The following PEG3 variants were observed in gnomAD, a reference collection of about 807,000 sequenced individuals.
PEG3 encodes paternally-expressed gene 3 protein.
A neutral mutation model predicts 35.5 loss-of-function variants in PEG3; 23 were observed. That is an observed-to-expected ratio of 0.65 (90% CI 0.47 to 0.92). PEG3 has a LOEUF of 0.92. PEG3 is among the 40% of genes least tolerant of loss of function. PEG3 has a pLI of 0.00. For missense variants in PEG3, 1,960 were observed against 1,985.3 expected (o/e 0.99, Z 0.24); for synonymous variants, 707 against 697.0 (o/e 1.01, Z -0.23).
At position 56,822,717 on chromosome 19, in the gene PEG3, T is replaced by C. The variant is rs760519863; in HGVS notation, c.565+36A>G. 3.2e-5 allele frequency: 51 copies of C among 1,611,024 alleles called. 1 individual carries two copies. The South Asian group carries it at 4.8e-4, about 15-fold the overall frequency. On this transcript the variant is annotated intron_variant, in intron 6 of 9. Transcript: ENST00000326441. ...GAACCTGTGCACAGCACATGCTCTA[T>C]ATCTCCTACTGGGAAAGAAAGTGGT... is the stretch of plus-strand genomic sequence containing the variant.
Position 56,814,213 on chromosome 19 carries a change from T to C in PEG3, c.4229A>G (p.Glu1410Gly). The change falls in exon 10 of 10, where the codon GAG becomes GGG. Residue 1410 changes from glutamate (E) to glycine (G), a missense_variant. This residue lies in a region of PEG3 where 416 missense variants were observed against 416.7 expected (regional missense o/e 1.00). Transcript: ENST00000326441. The surrounding 1 kb of genome is among the most constrained non-coding windows in gnomAD (Gnocchi z 5.8). ...TGGCTCAGCAGCCTCCACTTCTGGC[T>C]CAGCAGCCTCCACTTCTGGCTCGGC... ...EAAEPEVEAA[E>G]PEVEAAEPNG... 1 of 1,613,594 alleles carries C rather than the reference T, an allele frequency of 6.2e-7. No individual in the cohort carries two copies. The highest frequency in any genetic ancestry group is 8.5e-7 in the Non-Finnish European group (1 of 1,179,826).
In PEG3 at chr19:56,813,949, A is replaced by G. The variant is rs2059729649; in HGVS notation, c.4493T>C (p.Ile1498Thr). Residue 1498 changes from isoleucine (I) to threonine (T), a missense_variant, in exon 10 of 10, where the codon ATT (isoleucine) becomes ACT (threonine). By Grantham distance (89) the Ile-to-Thr change is moderately conservative. Coordinates refer to ENST00000326441, the MANE Select transcript of PEG3 (RefSeq NM_006210.3). ...EDPEEGEDQE[I>T]QVEEPYYDCH... ...GTCATAGTATGGTTCTTCTACCTGA[A>G]TCTCTTGATCTTCACCTTCTTCTGG... The G allele has an allele frequency of 3.1e-6, 5 of 1,613,948 alleles. No homozygotes were observed. The highest frequency in any genetic ancestry group is 1.7e-5 in the Admixed American group (1 of 60,010).
chr19:56,817,787 G>A lies in PEG3; in HGVS notation c.821C>T (p.Ser274Leu), dbSNP rs1366180633. The A allele has an allele frequency of 6.2e-7, 1 of 1,614,026 alleles. No homozygotes were observed. The highest frequency in any genetic ancestry group is 1.3e-5 in the African/African-American group (1 of 74,916). The part of the protein sequence containing the change: ...DGHSHMTQGH[S>L]SRSKRSAYPS... ...GTAGGCACTTCTCTTGGATCTTGAT[G>A]AGTGGCCCTGCGTCATGTGGGAGTG... Residue 274 changes from serine to leucine, a missense_variant, in exon 9 of 10, where the codon TCA becomes TTA. Around this residue, in one of 5 missense-constraint regions of PEG3, gnomAD observed 613 missense variants for 577.1 expected, o/e 1.06. Transcript: ENST00000326441.
rs1198858401 is a variant in PEG3, at chr19:56,827,633, T to C, written c.-162-1170A>G. On this transcript the variant is annotated intron_variant, in intron 2 of 9. Coordinates refer to ENST00000326441, the MANE Select transcript of PEG3 (RefSeq NM_006210.3). ...TATCCTCCTCTCCTACAAATTCTAC[T>C]TCTATGAATTTACCTCAGAGATATG... Among the ~76,000 whole-genome samples the C allele has an allele frequency of 4.6e-5, 7 of 152,228 alleles. No homozygotes were observed. The East Asian group carries it at 1.3e-3, about 29-fold the overall frequency.
At chr19:56,822,484 C>A in intron 6 of PEG3, 1 of 372,422 alleles carries the variant, frequency 2.7e-6, no homozygotes, top group South Asian at 5.4e-5. Flanking sequence ...GTCTTTCATA[C>A]AGAAACTTCC....
In PEG3 at chr19:56,821,708, G is replaced by C; in HGVS notation, c.612C>G (p.Ser204Arg). The C allele has an allele frequency of 6.2e-7, 1 of 1,614,058 alleles. No individual in the cohort carries two copies. Among genetic ancestry groups the C allele is most frequent in the Non-Finnish European group, 8.5e-7 (1 of 1,180,026 alleles). The stretch of plus-strand genomic sequence containing the variant: ...TGTCGTCCTCTCTGTCCATTTCAAA[G>C]CTTGTTTTCGCCACCACAGGAAGGG... Reference protein sequence around the residue: ...DLSLPVVAKTSFEMDREDDRD... With the variant: ...DLSLPVVAKTRFEMDREDDRD... Residue 204 changes from serine (S) to arginine (R), a missense_variant, in exon 7 of 10, where the codon AGC (serine) becomes AGG (arginine). Ser to Arg is a moderately radical substitution (Grantham distance 110). Around this residue, in one of 5 missense-constraint regions of PEG3, gnomAD observed 613 missense variants for 577.1 expected, o/e 1.06. Coordinates refer to ENST00000326441, the MANE Select transcript of PEG3 (RefSeq NM_006210.3).
chr19:56,832,361 T>C (rs1379376339), intron 2 of PEG3, among the ~76,000 whole-genome samples: 4 of 151,608 alleles, frequency 2.6e-5, no homozygotes, highest in African/African-American at 4.8e-5. Context: ...GTACCTCCCC[T>C]CTCCAGTGAC....
chr19:56,839,504 G>C (rs2062706096), intron 1 of PEG3, among the ~76,000 whole-genome samples: 2 of 149,768 alleles, frequency 1.3e-5, no homozygotes, highest in Admixed American at 1.3e-4. Context: ...AACCAACCAG[G>C]GGAGCACCTG....
chr19:56,825,347 T>C (rs945632077), intron 3 of PEG3, among the ~76,000 whole-genome samples: 1 of 152,260 alleles, frequency 6.6e-6, no homozygotes, highest in Non-Finnish European at 1.5e-5. Context: ...CAGTGAGAAG[T>C]GACCATTGAG....
At position 56,813,778 on chromosome 19, in the gene PEG3, C is replaced by G. The variant is rs2059709124; in HGVS notation, c.4664G>C (p.Gly1555Ala). ...YIERASTSTGGANQADEKYFK... is the reference protein window; with the variant it reads ...YIERASTSTGAANQADEKYFK... ...GTACTTCTCATCAGCTTGATTGGCA[C>G]CACCTGTGCTGGTGCTGGCACGTTC... Residue 1555 changes from glycine (G) to alanine (A), a missense_variant, in exon 10 of 10, where the codon GGT (glycine) becomes GCT (alanine). Coordinates refer to ENST00000326441, the MANE Select transcript of PEG3 (RefSeq NM_006210.3). 1 of 1,614,040 alleles carries G rather than the reference C, an allele frequency of 6.2e-7. No homozygotes were observed. Among genetic ancestry groups the G allele is most frequent in the Non-Finnish European group, 8.5e-7 (1 of 1,180,036 alleles).
Position 56,818,634 on chromosome 19 carries a change from G to T in PEG3, c.738C>A (p.Asp246Glu), listed in dbSNP as rs1172378560. 1 of 1,614,040 alleles carries T rather than the reference G, an allele frequency of 6.2e-7. No individual in the cohort carries two copies. ...GCAGCTTCCTGTAGTTTTCCATGTT[G>T]TCCTGGATTGTGTTGTGAGGTTTCC... ...EDRKPHNTIQ[D>E]NMENYRKLLS... The change falls in exon 8 of 10, where the codon GAC becomes GAA. Residue 246 changes from aspartate to glutamate, a missense_variant. Around this residue, in one of 5 missense-constraint regions of PEG3, gnomAD observed 613 missense variants for 577.1 expected, o/e 1.06. Coordinates refer to ENST00000326441, the MANE Select transcript of PEG3 (RefSeq NM_006210.3).
In PEG3 at chr19:56,824,642, T is replaced by C; in HGVS notation, c.14A>G (p.Lys5Arg). Residue 5 changes from lysine (K) to arginine (R), a missense_variant, in exon 4 of 10, where the codon AAG becomes AGG. Physicochemically the swap from Lys to Arg is conservative, Grantham distance 26. This residue lies in a region of PEG3 where 613 missense variants were observed against 577.1 expected (regional missense o/e 1.06). Coordinates refer to ENST00000326441, the MANE Select transcript of PEG3 (RefSeq NM_006210.3). ...CTTAGGTTTGGTGGCAGACAAGTGCTTTGGAGGCAGCATTTCTCTAAGTAA... is the reference window on the plus strand; with the variant it reads ...CTTAGGTTTGGTGGCAGACAAGTGCCTTGGAGGCAGCATTTCTCTAAGTAA... Reference protein sequence around the residue: MLPPKHLSATKPKKS... With the variant: MLPPRHLSATKPKKS... 1 of 1,597,268 alleles carries C rather than the reference T, an allele frequency of 6.3e-7. No homozygotes were observed. Among genetic ancestry groups the C allele is most frequent in the Non-Finnish European group, 8.6e-7 (1 of 1,168,908 alleles).
Position 56,821,723 on chromosome 19 carries a change from C to A in PEG3, c.597G>T (p.Val199=). 1.2e-6 allele frequency: 2 copies of A among 1,614,012 alleles called. No homozygotes were observed. The highest frequency in any genetic ancestry group is 1.7e-6 in the Non-Finnish European group (2 of 1,180,024). Residue 199 remains valine (V), a synonymous_variant, in exon 7 of 10, where the codon GTG becomes GTT. Coordinates refer to ENST00000326441, the MANE Select transcript of PEG3 (RefSeq NM_006210.3). ...RMPPRDLSLP[V]VAKTSFEMDR... ...CCATTTCAAAGCTTGTTTTCGCCAC[C>A]ACAGGAAGGGAAAGATCCCGCGGAG... is the stretch of plus-strand genomic sequence containing the variant.
intron 6 of PEG3, 23 bp from the exon 7 acceptor site, chr19:56,821,777 C>G (rs188175623): frequency 1.1e-4 from 180 of 1,612,918 alleles, no homozygotes; most frequent in East Asian, 4.5e-5. Flanking sequence ...AAGGCATCAA[C>G]AAGAAGCAGG....
Position 56,832,765 on chromosome 19 carries a change from T to C in PEG3, c.-163+3253A>G, listed in dbSNP as rs763267823. Among the ~76,000 whole-genome samples the C allele has an allele frequency of 5.6e-4, 85 of 152,118 alleles. 1 individual carries two copies. The highest frequency in any genetic ancestry group is 2.6e-4 in the Non-Finnish European group (18 of 68,034). On this transcript the variant is annotated intron_variant, in intron 2 of 9. Transcript: ENST00000326441. ...CTTCTGGGAGTCTGGCGTTCTTTGATCTCCAAAGGATGTTTTCTTTACACT... is the reference window on the plus strand; with the variant it reads ...CTTCTGGGAGTCTGGCGTTCTTTGACCTCCAAAGGATGTTTTCTTTACACT...
At chr19:56,827,998 T>C (rs1303743129) in intron 2 of PEG3, among the ~76,000 whole-genome samples, 1 of 152,262 alleles carries the variant, frequency 6.6e-6, no homozygotes, top group East Asian at 1.9e-4. Context: ...TTTTGTTTTT[T>C]GTTTTTATTT....
At chr19:56,837,429 C>T (rs2062278421) in intron 1 of PEG3, among the ~76,000 whole-genome samples, 1 of 152,228 alleles carries the variant, frequency 6.6e-6, no homozygotes, top group African/African-American at 2.4e-5. Flanking sequence ...CAGCCCACTT[C>T]CTCCATTTTC....
rs888730313 is a variant in PEG3 at position 56,812,318 on chromosome 19, T to C, written c.*1357A>G. ...ATTAGATGAACACAACACTCAGAAATACTCTAGGAGAGCTGAAAAAGAAGG... is the reference window on the plus strand; with the variant it reads ...ATTAGATGAACACAACACTCAGAAACACTCTAGGAGAGCTGAAAAAGAAGG... On this transcript the variant is annotated 3_prime_UTR_variant, in exon 10 of 10. Transcript: ENST00000326441. 4 of 982,164 alleles carry C rather than the reference T, an allele frequency of 4.1e-6. No individual in the cohort carries two copies. The highest frequency in any genetic ancestry group is 4.7e-5 in the South Asian group (1 of 21,196). 60.8% of individuals were successfully genotyped at this position (982,164 alleles called of 1,614,324 possible).
rs2059511310 is a variant in PEG3 at position 56,811,097 on chromosome 19, T to C, written c.*2578A>G. The C allele has an allele frequency of 1.0e-6, 1 of 984,870 alleles. No homozygotes were observed. The highest frequency in any genetic ancestry group is 1.2e-6 in the Non-Finnish European group (1 of 829,410). 61.0% of individuals were successfully genotyped at this position (984,870 alleles called of 1,614,324 possible). ...TATATGTCTTTGGATGGTGGGGATA[T>C]GATTTTTTTTCCTCCACTTTTCTGT... is the stretch of plus-strand genomic sequence containing the variant. On this transcript the variant is annotated 3_prime_UTR_variant, in exon 10 of 10. Coordinates refer to ENST00000326441, the MANE Select transcript of PEG3 (RefSeq NM_006210.3).
Sources: allele counts gnomAD v4.1 joint callset (sites outside exome capture counted in the v4.1 genomes callset), GRCh38; gene constraint gnomAD v4.1.1; regional missense constraint gnomAD v4.1.1; non-coding constraint Gnocchi (gnomAD v3.1); transcripts MANE v1.5; gene names NCBI Gene and HGNC (gene_info 2026-07-23, HGNC 2026-07-21).